AGBL4: variants seen among roughly 807,000 people sequenced by gnomAD.
The protein encoded by AGBL4 is cytosolic carboxypeptidase 6.
A neutral mutation model predicts 66.4 loss-of-function variants in AGBL4; 58 were observed. The ratio of observed to expected loss-of-function variants is 0.87; its 90% CI spans 0.71 to 1.09. The LOEUF (loss-of-function observed/expected upper bound fraction) is 1.09, where lower values mean the gene tolerates loss of function less well. AGBL4 is among the 50% of genes least tolerant of loss of function. The pLI is 0.00. For synonymous variants in AGBL4, 234 were observed against 222.9 expected (o/e 1.05, Z -0.44); for missense variants, 579 against 631.0 (o/e 0.92, Z 0.88).
intron 5 of AGBL4, among the ~76,000 whole-genome samples, chr1:48,924,025 T>A (rs1654317549): frequency 6.6e-6 from 1 of 152,144 alleles, no homozygotes; most frequent in Non-Finnish European, 1.5e-5. Flanking sequence ...CCCATCTCTG[T>A]CCCAAGAGAC....
At chr1:49,730,164 C>A (rs1013348281) in intron 2 of AGBL4, among the ~76,000 whole-genome samples, 1 of 152,124 alleles carries the variant, frequency 6.6e-6, no homozygotes, top group Non-Finnish European at 1.5e-5. Context: ...CACTTCAGGT[C>A]CCCTCTTGTT....
chr1:49,695,306 C>A (rs1421345378), intron 3 of AGBL4, among the ~76,000 whole-genome samples: 1 of 151,960 alleles, frequency 6.6e-6, no homozygotes, highest in Non-Finnish European at 1.5e-5. Flanking sequence ...TGATATGAGA[C>A]AGGAACATTA....
chr1:49,699,816 C>T (rs1647053065), intron 2 of AGBL4, among the ~76,000 whole-genome samples: 1 of 151,736 alleles, frequency 6.6e-6, no homozygotes, highest in Non-Finnish European at 1.5e-5. Context: ...ACCTAGAGAT[C>T]ATGTACAGCA....
chr1:49,417,031 A>G (rs894410453), intron 3 of AGBL4, among the ~76,000 whole-genome samples: 2 of 152,064 alleles, frequency 1.3e-5, no homozygotes, highest in Admixed American at 1.3e-4. Flanking sequence ...ACTTTCACCC[A>G]CTGTATTCTG....
chr1:49,713,704 G>A (rs139737757), intron 2 of AGBL4, among the ~76,000 whole-genome samples: 70 of 152,086 alleles, frequency 4.6e-4, no homozygotes, highest in Non-Finnish European at 9.1e-4. Flanking sequence ...AAGAAATACT[G>A]TATTTTTAGG....
intron 3 of AGBL4, among the ~76,000 whole-genome samples, chr1:49,643,101 T>C (rs1260908745): frequency 6.6e-6 from 1 of 151,910 alleles, no homozygotes; most frequent in Non-Finnish European, 1.5e-5. Context: ...GGTAATAGAC[T>C]ACATGAAAGA....
At chr1:48,630,737 A>C (rs1244058245) in intron 9 of AGBL4, among the ~76,000 whole-genome samples, 1 of 152,154 alleles carries the variant, frequency 6.6e-6, no homozygotes, top group Non-Finnish European at 1.5e-5. Flanking sequence ...GTGGCTCCCT[A>C]TTCCCATGAA....
chr1:49,391,554 T>G (rs1644846795), intron 3 of AGBL4, among the ~76,000 whole-genome samples: 1 of 85,394 alleles, frequency 1.2e-5, no homozygotes, highest in Non-Finnish European at 2.0e-5. Context: ...CCATGAGTTT[T>G]TTTTTTTTGT....
At chr1:49,852,487 G>C (rs1646328520) in intron 1 of AGBL4, among the ~76,000 whole-genome samples, 1 of 152,176 alleles carries the variant, frequency 6.6e-6, no homozygotes, top group Non-Finnish European at 1.5e-5. Context: ...TTACAGGCAA[G>C]TAGGTAGACC....
intron 6 of AGBL4, among the ~76,000 whole-genome samples, chr1:48,734,580 T>C (rs942337025): frequency 6.6e-6 from 1 of 152,204 alleles, no homozygotes; most frequent in African/African-American, 2.4e-5. Flanking sequence ...TCACTCTTCC[T>C]TCTACATCCC....
chr1:49,352,740 C>A (rs1643936785), intron 3 of AGBL4, among the ~76,000 whole-genome samples: 1 of 152,288 alleles, frequency 6.6e-6, no homozygotes. Context: ...TGACTGCCAA[C>A]CACACATCAA....
At chr1:48,991,860 A>G (rs1571177798) in intron 5 of AGBL4, among the ~76,000 whole-genome samples, 1 of 152,038 alleles carries the variant, frequency 6.6e-6, no homozygotes, top group South Asian at 2.1e-4. Context: ...CTTTTTGTTA[A>G]TCTTGAATTT....
Position 49,111,401 on chromosome 1 carries a change from C to T in AGBL4, c.378-65601G>A, listed in dbSNP as rs570543081. ...TGCTGGGATTACAGGCATGAGCCAC[C>T]GCACCTGGCCCAATTCCTTGAATTC... is the stretch of plus-strand genomic sequence containing the variant. On this transcript the variant is annotated intron_variant, in intron 4 of 13. Coordinates refer to ENST00000371839, the MANE Select transcript of AGBL4 (RefSeq NM_032785.4). Among the ~76,000 whole-genome samples, 80 of 152,306 alleles carry T rather than the reference C, an allele frequency of 5.3e-4. 1 individual carries two copies. Among genetic ancestry groups the T allele is most frequent in the Non-Finnish European group, 2.6e-4 (18 of 68,024 alleles).
At chr1:48,652,709 G>T (rs1258963072) in intron 8 of AGBL4, among the ~76,000 whole-genome samples, 5 of 152,108 alleles carry the variant, frequency 3.3e-5, no homozygotes, top group Non-Finnish European at 7.4e-5. Context: ...ATGAGTCGGT[G>T]TTTTTTTGGC....
At chr1:49,405,452 G>T (rs188095607) in intron 3 of AGBL4, among the ~76,000 whole-genome samples, 3 of 152,124 alleles carry the variant, frequency 2.0e-5, no homozygotes, top group East Asian at 1.9e-4. Context: ...TAATATACAT[G>T]TATTCCATGG....
intron 8 of AGBL4, among the ~76,000 whole-genome samples, chr1:48,646,407 AT>A: frequency 6.6e-6 from 1 of 152,208 alleles, no homozygotes; most frequent in East Asian, 1.9e-4. Flanking sequence ...ATTGACATGT[AT>A]TTATATTTTA....
chr1:49,873,438 C>T (rs1399558372), intron 1 of AGBL4, among the ~76,000 whole-genome samples: 1 of 151,912 alleles, frequency 6.6e-6, no homozygotes, highest in African/African-American at 2.4e-5. Context: ...GACCTCAATT[C>T]ACTATGCCAA....
At chr1:49,844,778 G>A in intron 2 of AGBL4, 1 of 1,582,496 alleles carries the variant, frequency 6.3e-7, no homozygotes, top group Non-Finnish European at 8.7e-7. Flanking sequence ...TTGGTAGAAA[G>A]ATTCCTCTGG....
At chr1:49,832,454 C>T (rs1292586573) in intron 2 of AGBL4, among the ~76,000 whole-genome samples, 1 of 150,286 alleles carries the variant, frequency 6.7e-6, no homozygotes, top group African/African-American at 2.4e-5. Flanking sequence ...CCACAATAAA[C>T]ATACGTGTGC....
Sources: gnomAD v4.1 joint callset for allele counts (sites outside exome capture counted in the v4.1 genomes callset) on GRCh38, gnomAD v4.1.1 for gene constraint, MANE v1.5 for transcripts, NCBI Gene and HGNC (gene_info 2026-07-23, HGNC 2026-07-21) for gene names.